Variants in SVIL observed in about 807,000 individuals in gnomAD.
SVIL encodes archvillin.
In SVIL, 101 loss-of-function variants were observed where a neutral mutation model predicts 240.4. The ratio of observed to expected loss-of-function variants is 0.42; its 90% confidence interval spans 0.36 to 0.50. The LOEUF (loss-of-function observed/expected upper bound fraction) is 0.50, where lower values mean the gene tolerates loss of function less well. SVIL is among the 20% of genes least tolerant of loss of function. The pLI is 0.01. For synonymous variants in SVIL, 999 were observed against 1,100.0 expected (o/e 0.91, Z 1.82); for missense variants, 2,512 against 2,818.7 (o/e 0.89, Z 2.46).
intron 1 of SVIL, among the ~76,000 whole-genome samples, chr10:29,713,079 T>C (rs2132672853): frequency 6.6e-6 from 1 of 151,840 alleles, no homozygotes; most frequent in Non-Finnish European, 1.5e-5. Flanking sequence ...CTCAGGAAGC[T>C]GAGGTAGGAG....
chr10:29,666,300 C>T (rs1341462227), intron 2 of SVIL, among the ~76,000 whole-genome samples: 1 of 152,176 alleles, frequency 6.6e-6, no homozygotes, highest in Admixed American at 6.5e-5. Flanking sequence ...AAGGTTTTCA[C>T]AAGATTTCAC....
chr10:29,685,285 T>C (rs1960978564), intron 2 of SVIL, among the ~76,000 whole-genome samples: 1 of 152,254 alleles, frequency 6.6e-6, no homozygotes, highest in Non-Finnish European at 1.5e-5. Flanking sequence ...TATTCCATAG[T>C]GTATATGCAC....
intron 22 of SVIL, among the ~76,000 whole-genome samples, 180 bp downstream of exon 22, chr10:29,490,667 T>A (rs1160041170): frequency 6.6e-6 from 1 of 152,076 alleles, no homozygotes; most frequent in Admixed American, 6.6e-5. Context: ...AGAATTTCTA[T>A]GAAAAATCTT....
At chr10:29,711,013 A>T (rs1419524940) in intron 1 of SVIL, among the ~76,000 whole-genome samples, 1 of 152,242 alleles carries the variant, frequency 6.6e-6, no homozygotes. Context: ...CAATAGACAA[A>T]TGCGTTAAAA....
At chr10:29,493,438 A>C in intron 20 of SVIL, 47 bp from the exon 21 acceptor site, 1 of 1,597,836 alleles carries the variant, frequency 6.3e-7, no homozygotes, top group Admixed American at 1.7e-5. Context: ...AAAAACAAGG[A>C]CTCCAATTAT....
chr10:29,512,315 A>AT (rs1343197449), intron 17 of SVIL, among the ~76,000 whole-genome samples: 1 of 152,216 alleles, frequency 6.6e-6, no homozygotes, highest in Non-Finnish European at 1.5e-5. Flanking sequence ...TTATGTCCTT[A>AT]TTTTTTATAC....
intron 1 of SVIL, among the ~76,000 whole-genome samples, chr10:29,570,542 A>G (rs1955349042): frequency 6.6e-6 from 1 of 152,252 alleles, no homozygotes; most frequent in Non-Finnish European, 1.5e-5. Flanking sequence ...AGCCACTGAA[A>G]AGACAGTATC....
At chr10:29,613,373 C>G (rs969856709) in intron 1 of SVIL, among the ~76,000 whole-genome samples, 1 of 152,132 alleles carries the variant, frequency 6.6e-6, no homozygotes, top group African/African-American at 2.4e-5. Context: ...TGCTCTGTTG[C>G]TCAGGCCGGA....
chr10:29,532,461 G>T, intron 8 of SVIL, 68 bp downstream of exon 8: 1 of 1,541,390 alleles, frequency 6.5e-7, no homozygotes, highest in Admixed American at 1.9e-5. Flanking sequence ...AACACAGGTC[G>T]AGGAGTGAAT....
rs1328046795 is a variant in SVIL, at chr10:29,487,098, A to G, written c.4485+65T>C. 2.5e-6 allele frequency: 4 copies of G among 1,569,354 alleles called. No individual in the cohort carries two copies. The East Asian group carries it at 9.1e-5, about 36-fold the overall frequency. ...GAGAAGCTTTGTGACTGACGTCAGG[A>G]AGAACACTCCTCCGGTGCGTAAAGG... On this transcript the variant is annotated intron_variant, in intron 24 of 37. Coordinates refer to ENST00000355867, the MANE Select transcript of SVIL (RefSeq NM_021738.3).
At chr10:29,560,775 A>AT (rs2132685057) in intron 3 of SVIL, among the ~76,000 whole-genome samples, 1 of 152,166 alleles carries the variant, frequency 6.6e-6, no homozygotes, top group South Asian at 2.1e-4. Context: ...TTTTCATAAA[A>AT]AGCAAAGATA....
intron 13 of SVIL, among the ~76,000 whole-genome samples, chr10:29,526,361 G>A (rs369590145): frequency 2.9e-4 from 39 of 134,634 alleles, no homozygotes; most frequent in African/African-American, 1.0e-3. Context: ...CGGGAGTGCA[G>A]TGGCACGATC....
chr10:29,521,797 T>G (rs549933504), intron 16 of SVIL, among the ~76,000 whole-genome samples: 2 of 152,352 alleles, frequency 1.3e-5, no homozygotes, highest in Admixed American at 6.5e-5. Context: ...CCCTACGTCA[T>G]TCTTTTGAAA....
intron 6 of SVIL, 138 bp downstream of exon 6, chr10:29,550,459 G>T: frequency 7.0e-5 from 58 of 833,496 alleles, no homozygotes; most frequent in Non-Finnish European, 9.1e-5. Flanking sequence ...AAAAAAAAAA[G>T]AATCATATAC....
intron 1 of SVIL, among the ~76,000 whole-genome samples, chr10:29,597,680 G>A (rs891468612): frequency 3.3e-5 from 5 of 152,068 alleles, no homozygotes; most frequent in Non-Finnish European, 5.9e-5. Flanking sequence ...GATTACAGGC[G>A]TGAACCACCA....
intron 1 of SVIL, among the ~76,000 whole-genome samples, chr10:29,716,642 A>C (rs926055446): frequency 6.6e-6 from 1 of 152,252 alleles, no homozygotes; most frequent in Non-Finnish European, 1.5e-5. Context: ...AGTCAAAAAC[A>C]GATCAATGAA....
intron 2 of SVIL, among the ~76,000 whole-genome samples, chr10:29,565,724 TA>T (rs10657810): frequency 1.3e-4 from 19 of 146,922 alleles, no homozygotes; most frequent in African/African-American, 2.3e-4. Flanking sequence ...ATCCCATCTC[TA>T]AAAAAAAAAA....
chr10:29,666,171 G>T (rs1168358883), intron 2 of SVIL, among the ~76,000 whole-genome samples: 2 of 152,174 alleles, frequency 1.3e-5, no homozygotes, highest in East Asian at 3.8e-4. Flanking sequence ...TCCTGCCTCA[G>T]CCTTTCAAAG....
Position 29,476,267 on chromosome 10 carries a change from C to T in SVIL, c.5378-2278G>A, listed in dbSNP as rs371258807. Among the ~76,000 whole-genome samples, 97 of 152,354 alleles carry T rather than the reference C, an allele frequency of 6.4e-4. 2 individuals are homozygous for T. The South Asian group carries it at 0.017, about 26-fold the overall frequency. The stretch of plus-strand genomic sequence containing the variant: ...GAGGAAAGATATGTTTCAAATAGAT[C>T]ATAACAGTTTATAAAGATCTTGAAA... On this transcript the variant is annotated intron_variant, in intron 29 of 37. Transcript: ENST00000355867.
Sources: gnomAD v4.1 joint callset for allele counts (sites outside exome capture counted in the v4.1 genomes callset) on GRCh38, gnomAD v4.1.1 for gene constraint, MANE v1.5 for transcripts, NCBI Gene and HGNC (gene_info 2026-07-23, HGNC 2026-07-21) for gene names.